Variants in FOXP1 observed in about 807,000 individuals in gnomAD.
The protein encoded by FOXP1 is forkhead box protein P1.
A neutral mutation model predicts 98.2 loss-of-function variants in FOXP1; 15 were observed. The ratio of observed to expected loss-of-function variants is 0.15; its 90% CI spans 0.10 to 0.24. FOXP1 has a LOEUF of 0.24. FOXP1 is among the 10% of genes least tolerant of loss of function. The pLI is 1.00. For missense variants in FOXP1, 633 were observed against 848.5 expected, an observed-to-expected ratio of 0.75 and a Z score of 3.15; for synonymous variants, 371 against 314.5, an observed-to-expected ratio of 1.18 and a Z score of -1.90.
In FOXP1 at chr3:70,977,876, G is replaced by C. The variant is rs2107314780; in HGVS notation, c.1300C>G (p.Pro434Ala). The change falls in exon 15 of 21, where the codon CCC becomes GCC. Residue 434 changes from proline to alanine, a missense_variant. This residue lies in a region of FOXP1 where 141 missense variants were observed against 199.5 expected (regional missense o/e 0.71). Coordinates refer to ENST00000649528, the MANE Select transcript of FOXP1 (RefSeq NM_001349338.3). ...ITTTSMHTVGPIRRRYSDKYN... is the reference protein window; with the variant it reads ...ITTTSMHTVGAIRRRYSDKYN... Reference sequence around the variant, plus strand: ...TTGTCTGAGTACCGCCTGCGGATGGGTCCCACCGTGTGCATGCTGGTGGTT... The same window carrying C: ...TTGTCTGAGTACCGCCTGCGGATGGCTCCCACCGTGTGCATGCTGGTGGTT... 1 of 1,614,182 alleles carries C rather than the reference G, an allele frequency of 6.2e-7. No individual in the cohort carries two copies. The highest frequency in any genetic ancestry group is 8.5e-7 in the Non-Finnish European group (1 of 1,180,016).
Position 71,001,859 on chromosome 3 carries a change from T to C in FOXP1, c.975-800A>G, listed in dbSNP as rs1008951909. Among the ~76,000 whole-genome samples, 15 of 152,230 alleles carry C rather than the reference T, an allele frequency of 9.9e-5. 1 individual carries two copies. Among genetic ancestry groups the C allele is most frequent in the African/African-American group, 3.6e-4 (15 of 41,456 alleles). On this transcript the variant is annotated intron_variant, in intron 12 of 20. Transcript: ENST00000649528. ...AAAGTCTTGAAAATAAAAATTCATG[T>C]CTCTACATTACTCAGTCCTTTCTTA...
At chr3:71,110,806 T>C (rs1161711202) in intron 7 of FOXP1, among the ~76,000 whole-genome samples, 5 of 152,214 alleles carry the variant, frequency 3.3e-5, no homozygotes, top group Admixed American at 3.3e-4. Flanking sequence ...CCTCCAGAGC[T>C]GTTCTTAAGA....
intron 5 of FOXP1, among the ~76,000 whole-genome samples, chr3:71,294,609 TACATACATCTGTATGTATGA>T (rs1408711181): frequency 6.6e-6 from 1 of 152,070 alleles, no homozygotes; most frequent in African/African-American, 2.4e-5. Flanking sequence ...TGTATGTATG[TACATACATCTGTATGTATGA>T]ATGAATGAAT....
rs1335558272 is a variant in FOXP1, at chr3:71,239,817, C to A, written c.-11-41425G>T. Reference sequence around the variant, plus strand: ...AAACACAACTGGGAGACATTCACCTCCCCTGAGATTTCCAAAGTTGGACGA... The same window carrying A: ...AAACACAACTGGGAGACATTCACCTACCCTGAGATTTCCAAAGTTGGACGA... On this transcript the variant is annotated intron_variant, in intron 5 of 20. Transcript: ENST00000649528. Among the ~76,000 whole-genome samples the A allele has an allele frequency of 4.6e-5, 7 of 152,354 alleles. No homozygotes were observed. In the East Asian group the frequency reaches 1.4e-3, roughly 29 times the overall value.
chr3:71,087,758 A>C (rs1390194896), intron 7 of FOXP1, among the ~76,000 whole-genome samples: 1 of 152,148 alleles, frequency 6.6e-6, no homozygotes, highest in Non-Finnish European at 1.5e-5. Flanking sequence ...AAGGTACTAT[A>C]TTTAGCAGGC....
rs138359116 is a variant in FOXP1, at chr3:71,519,242, T to A, written c.-297-25687A>T. Among the ~76,000 whole-genome samples, 1,194 of 152,282 alleles carry A rather than the reference T, an allele frequency of 7.8e-3. 10 individuals are homozygous for A. The highest frequency in any genetic ancestry group is 0.011 in the Non-Finnish European group (780 of 68,016). On this transcript the variant is annotated intron_variant, in intron 2 of 20. Transcript: ENST00000649528. ...GCCTGGGTGGTAGAGGGAGACTGCA[T>A]CTCAAAACTAACTAACTAAATAAAT...
At chr3:71,235,286 T>C (rs1248315860) in intron 5 of FOXP1, among the ~76,000 whole-genome samples, 1 of 152,224 alleles carries the variant, frequency 6.6e-6, no homozygotes, top group Non-Finnish European at 1.5e-5. Flanking sequence ...ATGCTTTCCC[T>C]AGATCATCTA....
intron 5 of FOXP1, among the ~76,000 whole-genome samples, chr3:71,216,401 A>T (rs564965558): frequency 1.3e-5 from 2 of 152,098 alleles, no homozygotes; most frequent in African/African-American, 2.4e-5. Context: ...TTCTGACCTC[A>T]CTTTTATCTG....
intron 6 of FOXP1, among the ~76,000 whole-genome samples, chr3:71,176,324 A>T (rs2061935602): frequency 6.6e-6 from 1 of 152,162 alleles, no homozygotes; most frequent in South Asian, 2.1e-4. Flanking sequence ...TTGTCTATAA[A>T]ATACCAGTTG....
rs141674931 is a variant in FOXP1 at position 71,556,316 on chromosome 3, G to A, written c.-298+25233C>T. On this transcript the variant is annotated intron_variant, in intron 2 of 20. Coordinates refer to ENST00000649528, the MANE Select transcript of FOXP1 (RefSeq NM_001349338.3). The stretch of plus-strand genomic sequence containing the variant: ...AAACTGTCAAAAATAAAAAGCTCAC[G>A]CCTGTAATCCCAGCACTTTGGGAGG... Among the ~76,000 whole-genome samples the A allele has an allele frequency of 3.6e-3, 542 of 152,070 alleles. 2 individuals carry two copies. The highest frequency in any genetic ancestry group is 0.012 in the African/African-American group (494 of 41,478).
intron 19 of FOXP1, 173 bp downstream of exon 19, chr3:70,970,563 G>A: frequency 6.0e-6 from 4 of 665,778 alleles, no homozygotes; most frequent in South Asian, 3.4e-5. Context: ...TCCCGCTAAC[G>A]CTGAAGCAGC....
At chr3:71,053,485 T>C in intron 8 of FOXP1, 151 bp downstream of exon 8, 1 of 857,824 alleles carries the variant, frequency 1.2e-6, no homozygotes, top group Admixed American at 2.3e-5. Context: ...CATCGATTAT[T>C]CAGGGAGTGG....
At chr3:71,580,704 T>A (rs912954146) in intron 2 of FOXP1, 29 of 857,824 alleles carry the variant, frequency 3.4e-5, no homozygotes, top group Non-Finnish European at 3.9e-5. Flanking sequence ...AATGGAAAAA[T>A]TTTGCAGCGA....
chr3:71,448,885 C>T (rs1163089052), intron 3 of FOXP1, among the ~76,000 whole-genome samples: 3 of 152,192 alleles, frequency 2.0e-5, no homozygotes, highest in African/African-American at 7.2e-5. Context: ...CGGCACACGT[C>T]TTTTTCATGG....
At chr3:71,213,632 A>G (rs1490726036) in intron 5 of FOXP1, among the ~76,000 whole-genome samples, 2 of 150,952 alleles carry the variant, frequency 1.3e-5, no homozygotes. Context: ...CCTGGCCAAT[A>G]TGGTGAAATC....
chr3:71,581,799 G>A (rs564615440), intron 1 of FOXP1, 102 bp from the exon 2 acceptor site: 3 of 986,178 alleles, frequency 3.0e-6, no homozygotes, highest in East Asian at 1.1e-4. Flanking sequence ...GAGGGGCCAG[G>A]ACAGAGAGGG....
intron 7 of FOXP1, among the ~76,000 whole-genome samples, chr3:71,069,088 T>C (rs1309874934): frequency 6.6e-6 from 1 of 152,252 alleles, no homozygotes; most frequent in Non-Finnish European, 1.5e-5. Flanking sequence ...ATGTTGACAA[T>C]GAAGCTAATT....
chr3:71,476,773 G>T (rs986877835), intron 3 of FOXP1, among the ~76,000 whole-genome samples: 1 of 151,814 alleles, frequency 6.6e-6, no homozygotes, highest in African/African-American at 2.4e-5. Context: ...CAAAGTGCTG[G>T]GATTACAGGT....
intron 6 of FOXP1, among the ~76,000 whole-genome samples, chr3:71,123,172 C>A (rs2058907428): frequency 6.6e-6 from 1 of 152,158 alleles, no homozygotes; most frequent in African/African-American, 2.4e-5. Context: ...TGCCTAAAAA[C>A]TCTGTCCACA....
Sources: gnomAD v4.1 joint callset for allele counts (sites outside exome capture counted in the v4.1 genomes callset) on GRCh38, gnomAD v4.1.1 for gene constraint, gnomAD v4.1.1 regional missense constraint, MANE v1.5 for transcripts, NCBI Gene and HGNC (gene_info 2026-07-23, HGNC 2026-07-21) for gene names.